TOGARAM1: variants seen among roughly 807,000 people sequenced by gnomAD.
The protein encoded by TOGARAM1 is TOG array regulator of axonemal microtubules protein 1.
In TOGARAM1, 100 loss-of-function variants were observed where a neutral mutation model predicts 166.6. The observed-to-expected ratio is 0.60, with a 90% CI of 0.51 to 0.71. The LOEUF (loss-of-function observed/expected upper bound fraction) is 0.71. TOGARAM1 is among the 30% of genes least tolerant of loss of function. The probability of loss-of-function intolerance (pLI) is 0.00; values close to 1 mark genes in which losing one functional copy is unlikely to be tolerated. For missense variants in TOGARAM1, 2,029 were observed against 2,102.7 expected (o/e 0.96, Z 0.69); for synonymous variants, 758 against 763.8 (o/e 0.99, Z 0.13).
At chr14:44,982,872 T>C (rs540744244) in intron 1 of TOGARAM1, among the ~76,000 whole-genome samples, 20 of 152,324 alleles carry the variant, frequency 1.3e-4, no homozygotes, top group African/African-American at 4.8e-4. Context: ...TTTTATTTTT[T>C]TGTTTAATTA....
intron 17 of TOGARAM1, among the ~76,000 whole-genome samples, chr14:45,067,157 T>G (rs17115787): frequency 0.16 from 24,013 of 151,970 alleles, 3,533 homozygotes; most frequent in African/African-American, 0.39. Flanking sequence ...TCTAGGTTTT[T>G]CTAGGTTAAA....
chr14:45,056,250 G>A (rs531222459), intron 16 of TOGARAM1, among the ~76,000 whole-genome samples: 2 of 151,866 alleles, frequency 1.3e-5, no homozygotes, highest in African/African-American at 4.8e-5. Context: ...TACTGAATTC[G>A]CTTATCAAAT....
chr14:44,996,127 T>G lies in TOGARAM1; in HGVS notation c.2203+225T>G, dbSNP rs942583414. The G allele has an allele frequency of 2.4e-5, 7 of 296,692 alleles. No homozygotes were observed. In the Admixed American group the frequency reaches 2.9e-4, roughly 12 times the overall value. The allele number at this position is 296,692 out of a possible 1,614,324, so 18.4% of individuals were successfully genotyped here. On this transcript the variant is annotated intron_variant, in intron 2 of 19. Transcript: ENST00000361462. The stretch of plus-strand genomic sequence containing the variant: ...AGTATTAATATAGGGCAATATTTGC[T>G]TAATACATCACCCATATTTATTAAG...
intron 15 of TOGARAM1, among the ~76,000 whole-genome samples, chr14:45,053,877 T>TATC (rs773295711): frequency 1.3e-4 from 20 of 151,956 alleles, no homozygotes; most frequent in Non-Finnish European, 2.4e-4. Context: ...AGCATATTAT[T>TATC]ATTATTATTA....
At chr14:45,000,852 G>A (rs1887661908) in intron 3 of TOGARAM1, among the ~76,000 whole-genome samples, 1 of 152,130 alleles carries the variant, frequency 6.6e-6, no homozygotes, top group Admixed American at 6.5e-5. Flanking sequence ...TCCTACCTCA[G>A]CCTCCCAAGT....
intron 7 of TOGARAM1, among the ~76,000 whole-genome samples, chr14:45,021,169 G>A (rs1880477698): frequency 6.6e-6 from 1 of 152,082 alleles, no homozygotes; most frequent in African/African-American, 2.4e-5. Context: ...TACTGGTATG[G>A]GTGAAGTAAG....
intron 1 of TOGARAM1, among the ~76,000 whole-genome samples, chr14:44,967,659 T>C (rs1017449428): frequency 3.3e-5 from 5 of 152,142 alleles, no homozygotes; most frequent in African/African-American, 1.2e-4. Context: ...GAATGGGGAA[T>C]TTTTGCACAG....
At chr14:44,986,937 C>T (rs941169949) in intron 1 of TOGARAM1, among the ~76,000 whole-genome samples, 12 of 147,134 alleles carry the variant, frequency 8.2e-5, no homozygotes, top group South Asian at 4.3e-4. Context: ...ACCCAGGAGG[C>T]GAGCTTGCAG....
intron 1 of TOGARAM1, among the ~76,000 whole-genome samples, chr14:44,969,145 C>CTTTCCTTCCTTCCTTCCTTTCTTT (rs1555341651): frequency 8.6e-6 from 1 of 116,298 alleles, no homozygotes; most frequent in Non-Finnish European, 1.7e-5. Context: ...TTCCTTCCTT[C>CTTTCCTTCCTTCCTTCCTTTCTTT]CTTTCTTTCT....
chr14:45,007,860 G>A (rs1316459454), intron 5 of TOGARAM1: 2 of 152,088 alleles, frequency 1.3e-5, no homozygotes, highest in Non-Finnish European at 2.9e-5. Flanking sequence ...TATGTTTTTT[G>A]TTTGTGTGTG....
intron 1 of TOGARAM1, among the ~76,000 whole-genome samples, chr14:44,966,811 C>G (rs1885570507): frequency 6.6e-6 from 1 of 152,032 alleles, no homozygotes; most frequent in Non-Finnish European, 1.5e-5. Flanking sequence ...AAAACTTAGC[C>G]AGGCATGGTG....
rs1400552554 is a variant in TOGARAM1, at chr14:44,962,249, C to T, written c.-173C>T. On this transcript the variant is annotated 5_prime_UTR_variant, in exon 1 of 20. Transcript: ENST00000361462. ...TGGGGTCTAGGGCTCAGACGGGGGC[C>T]ATTTTGCCAGAGGCTGCCTCCCGGA... The T allele has an allele frequency of 7.1e-6, 5 of 707,786 alleles. No homozygotes were observed. Among genetic ancestry groups the T allele is most frequent in the African/African-American group, 3.6e-5 (2 of 55,048 alleles). 43.8% of individuals were successfully genotyped at this position (707,786 alleles called of 1,614,324 possible).
chr14:45,034,071 C>T (rs934082651), intron 11 of TOGARAM1, among the ~76,000 whole-genome samples: 15 of 152,102 alleles, frequency 9.9e-5, no homozygotes, highest in Non-Finnish European at 1.6e-4. Context: ...GCACAAGAAT[C>T]GCTTGAACCT....
intron 17 of TOGARAM1, among the ~76,000 whole-genome samples, chr14:45,067,264 G>A (rs1238195666): frequency 6.6e-6 from 1 of 151,998 alleles, no homozygotes; most frequent in African/African-American, 2.4e-5. Flanking sequence ...CCTTGAAACT[G>A]CTATATTCTC....
chr14:45,032,037 G>A (rs776348923), intron 10 of TOGARAM1, among the ~76,000 whole-genome samples, 186 bp from the exon 11 acceptor site: 2 of 152,142 alleles, frequency 1.3e-5, no homozygotes, highest in East Asian at 1.9e-4. Context: ...GTGCGCACCT[G>A]TAGTCCCAGC....
At chr14:45,046,757 G>T in intron 14 of TOGARAM1, 54 bp downstream of exon 14, 2 of 1,221,604 alleles carry the variant, frequency 1.6e-6, no homozygotes, top group Non-Finnish European at 2.1e-6. Context: ...CTTAAAAGTA[G>T]GAAAAGAAAG....
At chr14:45,030,492 A>G (rs1365771695) in intron 10 of TOGARAM1, among the ~76,000 whole-genome samples, 2 of 152,176 alleles carry the variant, frequency 1.3e-5, no homozygotes, top group East Asian at 3.8e-4. Context: ...AAATGATAAT[A>G]GTGCTTTTTT....
chr14:45,019,717 G>A (rs1042947170), intron 7 of TOGARAM1, among the ~76,000 whole-genome samples: 17 of 152,188 alleles, frequency 1.1e-4, no homozygotes, highest in Non-Finnish European at 2.1e-4. Context: ...GAGCTAAGTT[G>A]CAAGCCCCGT....
chr14:44,972,747 T>C (rs564217963), intron 1 of TOGARAM1, among the ~76,000 whole-genome samples: 1 of 152,292 alleles, frequency 6.6e-6, no homozygotes, highest in Admixed American at 6.5e-5. Flanking sequence ...ACTTTTAATT[T>C]ATATCTATCT....
Sources: gnomAD v4.1 joint callset for allele counts (sites outside exome capture counted in the v4.1 genomes callset) on GRCh38, gnomAD v4.1.1 for gene constraint, MANE v1.5 for transcripts, NCBI Gene and HGNC (gene_info 2026-07-23, HGNC 2026-07-21) for gene names.